URI1: variants seen among roughly 807,000 people sequenced by gnomAD.
URI1 encodes unconventional prefoldin RPB5 interactor 1.
A neutral mutation model predicts 60.2 loss-of-function variants in URI1; 39 were observed. That is an observed-to-expected ratio of 0.65 (90% confidence interval 0.50 to 0.85). The LOEUF (loss-of-function observed/expected upper bound fraction) is 0.85, where lower values mean the gene tolerates loss of function less well. URI1 is among the 40% of genes least tolerant of loss of function. The pLI is 0.00. For missense variants in URI1, 691 were observed against 665.9 expected, an observed-to-expected ratio of 1.04 and a Z score of -0.42; for synonymous variants, 251 against 236.8, an observed-to-expected ratio of 1.06 and a Z score of -0.55.
Position 30,015,283 on chromosome 19 carries a change from C to G in URI1, c.*214C>G. 1.4e-6 allele frequency: 2 copies of G among 1,416,922 alleles called. No individual in the cohort carries two copies. The highest frequency in any genetic ancestry group is 3.3e-5 in the South Asian group (2 of 60,674). The allele number at this position is 1,416,922 out of a possible 1,614,324, so 87.8% of individuals were successfully genotyped here. On this transcript the variant is annotated 3_prime_UTR_variant, in exon 11 of 11. Coordinates refer to ENST00000392271, the MANE Select transcript of URI1 (RefSeq NM_003796.3). ...GCTTGTTTTGTGAATTCTCTGAATA[C>G]TGTCAACACTCTTATCTAAGTTTGC...
chr19:29,935,493 T>C (rs1465978781), intron 1 of URI1, among the ~76,000 whole-genome samples: 6 of 152,200 alleles, frequency 3.9e-5, no homozygotes, highest in Non-Finnish European at 5.9e-5. Context: ...TTACTATTTT[T>C]ATCAGTGTTC....
intron 1 of URI1, among the ~76,000 whole-genome samples, chr19:29,951,701 C>T (rs555084770): frequency 2.0e-5 from 3 of 152,256 alleles, no homozygotes; most frequent in African/African-American, 7.2e-5. Flanking sequence ...CCTCTGCCAC[C>T]ACGCCCAGCT....
At chr19:29,984,530 C>G (rs1005457401) in intron 2 of URI1, among the ~76,000 whole-genome samples, 2 of 152,092 alleles carry the variant, frequency 1.3e-5, no homozygotes, top group African/African-American at 4.8e-5. Flanking sequence ...TTTATTTGGT[C>G]CAGATAGTCT....
chr19:29,998,023 C>G (rs1389864217), intron 4 of URI1, among the ~76,000 whole-genome samples: 2 of 152,132 alleles, frequency 1.3e-5, no homozygotes, highest in African/African-American at 4.8e-5. Context: ...CCTCGGCCTC[C>G]TAAAGTGCTG....
intron 1 of URI1, among the ~76,000 whole-genome samples, chr19:29,964,374 A>G (rs984724257): frequency 1.3e-5 from 2 of 151,778 alleles, no homozygotes; most frequent in Non-Finnish European, 2.9e-5. Context: ...TTGAATTTAC[A>G]TAGCTACTTG....
intron 4 of URI1, among the ~76,000 whole-genome samples, chr19:29,987,778 A>G (rs2055690579): frequency 6.6e-6 from 1 of 152,248 alleles, no homozygotes; most frequent in South Asian, 2.1e-4. Context: ...ATCACTTTCT[A>G]GTAGTTAAAT....
At chr19:30,001,275 G>A (rs1031075016) in intron 4 of URI1, among the ~76,000 whole-genome samples, 5 of 151,780 alleles carry the variant, frequency 3.3e-5, no homozygotes, top group African/African-American at 1.2e-4. Flanking sequence ...TTGACTGATA[G>A]GTATTTTTTG....
At chr19:29,971,310 C>CGT (rs974698361) in intron 2 of URI1, 83 bp downstream of exon 2, 35 of 1,394,410 alleles carry the variant, frequency 2.5e-5, no homozygotes, top group Admixed American at 1.1e-4. Flanking sequence ...TTACTGTTTG[C>CGT]GTGTGTGTGT....
chr19:29,970,111 T>A (rs1473880968), intron 1 of URI1, among the ~76,000 whole-genome samples: 2 of 142,484 alleles, frequency 1.4e-5, no homozygotes, highest in African/African-American at 5.2e-5. Flanking sequence ...GTGACAGGTC[T>A]AAAAAAAATC....
chr19:29,963,619 C>T (rs190828215), intron 1 of URI1, among the ~76,000 whole-genome samples: 1 of 151,958 alleles, frequency 6.6e-6, no homozygotes, highest in Admixed American at 6.6e-5. Context: ...TCATATGATC[C>T]TGTTTCTTGG....
chr19:29,988,451 C>T (rs990345529), intron 4 of URI1, among the ~76,000 whole-genome samples: 2 of 152,322 alleles, frequency 1.3e-5, no homozygotes, highest in African/African-American at 4.8e-5. Flanking sequence ...TCTCAGGACT[C>T]AGCTCCTATC....
chr19:29,924,858 T>C (rs1193959885), intron 1 of URI1, among the ~76,000 whole-genome samples: 1 of 152,226 alleles, frequency 6.6e-6, no homozygotes, highest in Non-Finnish European at 1.5e-5. Context: ...TTTTTTTAGA[T>C]GAAGTCTCCC....
chr19:29,994,285 G>A (rs2055783978), intron 4 of URI1, among the ~76,000 whole-genome samples: 1 of 151,948 alleles, frequency 6.6e-6, no homozygotes, highest in East Asian at 1.9e-4. Context: ...CTAACTTACT[G>A]TCTTTTCCTC....
intron 2 of URI1, among the ~76,000 whole-genome samples, chr19:29,972,226 T>G (rs1363756127): frequency 6.6e-6 from 1 of 152,086 alleles, no homozygotes; most frequent in African/African-American, 2.4e-5. Context: ...AATCTAAAAC[T>G]AATAATATCC....
chr19:29,924,129 G>T (rs552825658), intron 1 of URI1, among the ~76,000 whole-genome samples: 164 of 152,222 alleles, frequency 1.1e-3, no homozygotes, highest in Non-Finnish European at 2.1e-3. Context: ...GCCCTCAGTG[G>T]ATTGAATGTT....
chr19:29,936,074 C>A (rs894287149), intron 1 of URI1, among the ~76,000 whole-genome samples: 2 of 152,104 alleles, frequency 1.3e-5, no homozygotes, highest in African/African-American at 4.8e-5. Flanking sequence ...GCGTGAGCCA[C>A]TGTGCCCGGC....
intron 1 of URI1, among the ~76,000 whole-genome samples, chr19:29,935,759 G>C (rs540668928): frequency 1.9e-3 from 105 of 56,116 alleles, no homozygotes; most frequent in African/African-American, 6.9e-3. Context: ...TGGGCCTCTG[G>C]TTCCTTTTCT....
chr19:30,009,315 C>A lies in URI1; in HGVS notation c.997C>A (p.Pro333Thr). ...EALGVGDNSI[P>T]TIYFSHTVEP... The stretch of plus-strand genomic sequence containing the variant: ...TTTAGGGGTTGGAGATAATTCTATA[C>A]CAACAATATATTTTTCACATACTGT... Residue 333 changes from proline (P) to threonine (T), a missense_variant, in exon 8 of 11, where the codon CCA (proline) becomes ACA (threonine). By Grantham distance (38) the Pro-to-Thr change is conservative (BLOSUM62 -1). Transcript: ENST00000392271. 6.2e-7 allele frequency: 1 copy of A among 1,613,946 alleles called. No individual in the cohort carries two copies. Among genetic ancestry groups the A allele is most frequent in the Non-Finnish European group, 8.5e-7 (1 of 1,179,928 alleles).
At position 29,971,606 on chromosome 19, in the gene URI1, G is replaced by A. The variant is rs940109063; in HGVS notation, c.152+379G>A. Among the ~76,000 whole-genome samples the A allele has an allele frequency of 8.6e-5, 13 of 150,902 alleles. No individual in the cohort carries two copies. In the East Asian group the frequency reaches 2.3e-3, roughly 27 times the overall value. ...AATCAGTTACTTTAAAATAATGATG[G>A]AAATAGGGCACAGAAATGTTTTCCC... is the stretch of plus-strand genomic sequence containing the variant. On this transcript the variant is annotated intron_variant, in intron 2 of 10. Coordinates refer to ENST00000392271, the MANE Select transcript of URI1 (RefSeq NM_003796.3).
Sources: allele counts gnomAD v4.1 joint callset (sites outside exome capture counted in the v4.1 genomes callset), GRCh38; gene constraint gnomAD v4.1.1; transcripts MANE v1.5; gene names NCBI Gene and HGNC (gene_info 2026-07-23, HGNC 2026-07-21).